The following UVRAG variants were observed in gnomAD, a reference collection of about 807,000 sequenced individuals.
UVRAG encodes the protein UV radiation resistance-associated gene protein.
Under a neutral mutation model 78.0 loss-of-function variants are expected in UVRAG, and 19 were observed. The ratio of observed to expected loss-of-function variants is 0.24; its 90% CI spans 0.17 to 0.36. The LOEUF (loss-of-function observed/expected upper bound fraction) is 0.36. Among genes scored for constraint, UVRAG ranks in the 10% least tolerant of loss-of-function variants. UVRAG has a pLI of 1.00. For missense variants in UVRAG, 740 were observed against 853.8 expected, an observed-to-expected ratio of 0.87 and a Z score of 1.66; for synonymous variants, 323 against 324.6, an observed-to-expected ratio of 1.00 and a Z score of 0.05.
intron 13 of UVRAG, among the ~76,000 whole-genome samples, chr11:76,086,697 C>T (rs1184560266): frequency 6.6e-6 from 1 of 152,092 alleles, no homozygotes; most frequent in African/African-American, 2.4e-5. Context: ...TTATCATAAG[C>T]ATAACAGACT....
intron 6 of UVRAG, among the ~76,000 whole-genome samples, chr11:75,917,610 A>T (rs1947885944): frequency 6.6e-6 from 1 of 152,136 alleles, no homozygotes; most frequent in Non-Finnish European, 1.5e-5. Context: ...TCCAACCACC[A>T]TGGATATTTG....
At chr11:75,852,439 T>C (rs2066138378) in intron 2 of UVRAG, among the ~76,000 whole-genome samples, 1 of 152,142 alleles carries the variant, frequency 6.6e-6, no homozygotes, top group Non-Finnish European at 1.5e-5. Context: ...TCTAATTCAG[T>C]TTTATATATT....
At chr11:76,132,247 G>A (rs1241649916) in intron 14 of UVRAG, among the ~76,000 whole-genome samples, 1 of 152,234 alleles carries the variant, frequency 6.6e-6, no homozygotes, top group East Asian at 1.9e-4. Context: ...CTGCCATGAG[G>A]TCATAGATTG....
intron 13 of UVRAG, among the ~76,000 whole-genome samples, chr11:76,075,917 C>G (rs1951396119): frequency 7.0e-6 from 1 of 143,616 alleles, no homozygotes; most frequent in African/African-American, 2.4e-5. Context: ...ATGTATGAGT[C>G]ATTCCTTTTT....
intron 12 of UVRAG, among the ~76,000 whole-genome samples, chr11:76,054,752 T>C (rs564610361): frequency 2.6e-4 from 39 of 152,130 alleles, no homozygotes; most frequent in African/African-American, 8.9e-4. Context: ...TTATTTGTCA[T>C]GTCTCTCTCA....
At chr11:76,116,476 A>G (rs965479494) in intron 14 of UVRAG, among the ~76,000 whole-genome samples, 1 of 152,216 alleles carries the variant, frequency 6.6e-6, no homozygotes, top group African/African-American at 2.4e-5. Context: ...CAGTAGGTAC[A>G]TTCTGAAATG....
intron 12 of UVRAG, among the ~76,000 whole-genome samples, chr11:76,053,809 A>C (rs530034986): frequency 1.3e-5 from 2 of 152,040 alleles, no homozygotes; most frequent in Non-Finnish European, 2.9e-5. Context: ...GTTTCTACTA[A>C]AATACAAAAA....
At chr11:75,847,677 A>G (rs1946064158) in intron 1 of UVRAG, among the ~76,000 whole-genome samples, 2 of 151,948 alleles carry the variant, frequency 1.3e-5, no homozygotes. Context: ...TTACCCATAA[A>G]GAGTTTATTA....
chr11:75,959,705 GCTGA>G (rs1373270158), intron 6 of UVRAG, among the ~76,000 whole-genome samples: 2 of 152,140 alleles, frequency 1.3e-5, no homozygotes, highest in African/African-American at 4.8e-5. Flanking sequence ...TCACAACTTG[GCTGA>G]CTGTTTCATG....
intron 13 of UVRAG, among the ~76,000 whole-genome samples, chr11:76,093,767 A>G (rs530916195): frequency 3.9e-4 from 60 of 152,324 alleles, no homozygotes; most frequent in African/African-American, 1.3e-3. Flanking sequence ...GGCTGAGACA[A>G]TGGGGTTTTC....
intron 6 of UVRAG, among the ~76,000 whole-genome samples, chr11:75,914,867 G>C (rs1264954848): frequency 1.3e-5 from 2 of 152,100 alleles, no homozygotes; most frequent in Non-Finnish European, 2.9e-5. Flanking sequence ...GGATACATCT[G>C]TTCTCTCTCC....
chr11:75,869,176 T>G (rs574076588), intron 3 of UVRAG, among the ~76,000 whole-genome samples: 2 of 152,310 alleles, frequency 1.3e-5, no homozygotes, highest in Admixed American at 6.5e-5. Flanking sequence ...CTCCCTTATA[T>G]CCCACTTCCT....
chr11:75,875,826 G>C (rs1319012053), intron 3 of UVRAG, among the ~76,000 whole-genome samples: 2 of 152,002 alleles, frequency 1.3e-5, no homozygotes, highest in Non-Finnish European at 2.9e-5. Flanking sequence ...ACATTTTTTA[G>C]TCATGGATGG....
At chr11:76,086,750 T>C (rs1951595371) in intron 13 of UVRAG, among the ~76,000 whole-genome samples, 1 of 152,220 alleles carries the variant, frequency 6.6e-6, no homozygotes, top group African/African-American at 2.4e-5. Flanking sequence ...AGAAATGATC[T>C]GAACTTATTT....
At chr11:76,038,404 GACATA>G (rs1326851529) in intron 12 of UVRAG, among the ~76,000 whole-genome samples, 1 of 151,844 alleles carries the variant, frequency 6.6e-6, no homozygotes, top group African/African-American at 2.4e-5. Flanking sequence ...AAAAACAACA[GACATA>G]ACTATTTACA....
At chr11:75,916,469 C>G (rs1246362433) in intron 6 of UVRAG, 4 of 152,182 alleles carry the variant, frequency 2.6e-5, no homozygotes, top group Admixed American at 6.5e-5. Context: ...CTCCTCTAAG[C>G]CAGTATTCCT....
At chr11:75,989,014 A>C (rs1247277099) in intron 8 of UVRAG, among the ~76,000 whole-genome samples, 5 of 151,950 alleles carry the variant, frequency 3.3e-5, no homozygotes, top group African/African-American at 1.2e-4. Context: ...TTTCTTCCCT[A>C]TCTTAACAGT....
intron 5 of UVRAG, among the ~76,000 whole-genome samples, chr11:75,904,538 G>T (rs1947576085): frequency 6.6e-6 from 1 of 152,150 alleles, no homozygotes; most frequent in Admixed American, 6.5e-5. Context: ...GAAACAGGAG[G>T]GCTTAATAAT....
At chr11:75,972,315 C>T (rs969647051) in intron 7 of UVRAG, among the ~76,000 whole-genome samples, 1 of 152,000 alleles carries the variant, frequency 6.6e-6, no homozygotes, top group Non-Finnish European at 1.5e-5. Flanking sequence ...TCTGTATTTT[C>T]TCCTGTGTTA....
Sources: gnomAD v4.1 joint callset for allele counts (sites outside exome capture counted in the v4.1 genomes callset) on GRCh38, gnomAD v4.1.1 for gene constraint, MANE v1.5 for transcripts, NCBI Gene and HGNC (gene_info 2026-07-23, HGNC 2026-07-21) for gene names.